Variants in STK32A observed in about 807,000 individuals in gnomAD.
STK32A encodes the protein serine/threonine-protein kinase 32A.
STK32A carries 41 observed loss-of-function variants against 53.2 expected under a neutral mutation model. That is an observed-to-expected ratio of 0.77 (90% CI 0.60 to 1.00). The LOEUF (loss-of-function observed/expected upper bound fraction) is 1.00, where lower values mean the gene tolerates loss of function less well. STK32A is among the 50% of genes least tolerant of loss of function. The pLI is 0.00. For synonymous variants in STK32A, 166 were observed against 162.8 expected (o/e 1.02, Z -0.15); for missense variants, 458 against 485.8 (o/e 0.94, Z 0.54).
chr5:147,397,826 A>C, the STK32A span: 1 of 1,612,216 alleles, frequency 6.2e-7, no homozygotes, highest in Non-Finnish European at 8.5e-7. Context: ...CATCCCTTCA[A>C]AGATGTTGTA....
At chr5:147,304,672 A>G (rs1753316187) in intron 4 of STK32A, among the ~76,000 whole-genome samples, 1 of 152,196 alleles carries the variant, frequency 6.6e-6, no homozygotes, top group Non-Finnish European at 1.5e-5. Flanking sequence ...GAAAGACAAC[A>G]GTCATGAAGC....
intron 4 of STK32A, among the ~76,000 whole-genome samples, chr5:147,298,692 T>C (rs1327809044): frequency 6.6e-6 from 1 of 152,222 alleles, no homozygotes; most frequent in African/African-American, 2.4e-5. Context: ...AGAGAAACTA[T>C]ATTCTTCTTG....
intron 2 of STK32A, among the ~76,000 whole-genome samples, chr5:147,247,316 T>C (rs1251422916): frequency 6.6e-6 from 1 of 152,224 alleles, no homozygotes; most frequent in Admixed American, 6.5e-5. Flanking sequence ...TGACCATTCA[T>C]GGAAGTTTCG....
At chr5:147,256,685 A>G (rs770752842) in intron 2 of STK32A, among the ~76,000 whole-genome samples, 6 of 151,756 alleles carry the variant, frequency 4.0e-5, no homozygotes, top group South Asian at 2.1e-4. Context: ...CTAAGTTTGT[A>G]TTTTTAGTAG....
chr5:147,252,985 A>T (rs1754063969), intron 2 of STK32A, among the ~76,000 whole-genome samples: 1 of 152,160 alleles, frequency 6.6e-6, no homozygotes, highest in African/African-American at 2.4e-5. Flanking sequence ...ATCTGGGATG[A>T]TATTCAATAT....
At chr5:147,289,155 C>CTT (rs1752482935) in intron 4 of STK32A, among the ~76,000 whole-genome samples, 1 of 137,668 alleles carries the variant, frequency 7.3e-6, no homozygotes, top group South Asian at 3.0e-4. Context: ...GCATATGTTG[C>CTT]TTGTTTTGTT....
At chr5:147,282,594 G>A (rs1752116184) in intron 4 of STK32A, among the ~76,000 whole-genome samples, 1 of 152,110 alleles carries the variant, frequency 6.6e-6, no homozygotes, top group Non-Finnish European at 1.5e-5. Context: ...AAGGTGTGGG[G>A]AAAGGAATTT....
At chr5:147,354,414 C>A (rs1056909427) in intron 7 of STK32A, among the ~76,000 whole-genome samples, 2 of 152,060 alleles carry the variant, frequency 1.3e-5, no homozygotes, top group Non-Finnish European at 2.9e-5. Flanking sequence ...TTTCCTCTCC[C>A]CAGTGGTTTT....
chr5:147,316,962 T>C (rs1440596268), intron 4 of STK32A, among the ~76,000 whole-genome samples: 1 of 150,632 alleles, frequency 6.6e-6, no homozygotes, highest in African/African-American at 2.4e-5. Flanking sequence ...TTTCTCTGTA[T>C]AAAAGTACTC....
intron 2 of STK32A, among the ~76,000 whole-genome samples, chr5:147,240,407 G>A (rs1753522219): frequency 6.6e-6 from 1 of 152,176 alleles, no homozygotes; most frequent in East Asian, 1.9e-4. Context: ...CCAGACCTCT[G>A]AGAGGGAGCT....
Position 147,278,315 on chromosome 5 carries a change from T to C in STK32A, c.108+136T>C, listed in dbSNP as rs935595072. The C allele has an allele frequency of 1.8e-5, 14 of 766,466 alleles. No homozygotes were observed. In the African/African-American group the frequency reaches 2.3e-4, roughly 13 times the overall value. The allele number at this position is 766,466 out of a possible 1,614,324, so 47.5% of individuals were successfully genotyped here. ...TAAGTGAAAATGTTTTTGTAATGGA[T>C]TTTTATAAAATTGTCACCACAGTTT... On this transcript the variant is annotated intron_variant, in intron 3 of 12. Coordinates refer to ENST00000397936, the MANE Select transcript of STK32A (RefSeq NM_001112724.2).
intron 2 of STK32A, among the ~76,000 whole-genome samples, chr5:147,276,942 A>C (rs1213487467): frequency 6.6e-6 from 1 of 152,190 alleles, no homozygotes; most frequent in Non-Finnish European, 1.5e-5. Context: ...TGTAATATAC[A>C]TGCTGCCTCA....
intron 5 of STK32A, among the ~76,000 whole-genome samples, chr5:147,326,208 T>C (rs1385568836): frequency 6.6e-6 from 1 of 152,226 alleles, no homozygotes; most frequent in Non-Finnish European, 1.5e-5. Context: ...GTTATCATCA[T>C]TTTGCCACTT....
intron 4 of STK32A, among the ~76,000 whole-genome samples, chr5:147,284,163 A>T (rs1820273): frequency 0.65 from 97,879 of 151,714 alleles, 31,891 homozygotes; most frequent in Admixed American, 0.75. Context: ...CAGAATTTTT[A>T]AAAAAATCAC....
rs150190220 is a variant in STK32A, at chr5:147,361,365, C to T, written c.563-152C>T. Among the ~76,000 whole-genome samples, 569 of 152,224 alleles carry T rather than the reference C, an allele frequency of 3.7e-3. 3 individuals are homozygous for T. The highest frequency in any genetic ancestry group is 0.013 in the African/African-American group (544 of 41,500). On this transcript the variant is annotated intron_variant, in intron 7 of 12. Transcript: ENST00000397936. ...GAGATTAGAAAATTAGAAATGTTTG[C>T]CTGCTGTGAGCAATCTAGCAACGGA...
chr5:147,266,205 AGGAGAGTT>A (rs1754800592), intron 2 of STK32A, among the ~76,000 whole-genome samples: 1 of 152,198 alleles, frequency 6.6e-6, no homozygotes, highest in Non-Finnish European at 1.5e-5. Context: ...GTCCTCACTT[AGGAGAGTT>A]GGCGGTTGTG....
intron 2 of STK32A, among the ~76,000 whole-genome samples, chr5:147,272,189 G>C (rs10477335): frequency 0.59 from 89,286 of 151,732 alleles, 26,621 homozygotes; most frequent in African/African-American, 0.67. Flanking sequence ...GGATTTTCCT[G>C]CCTCAGCCTC....
chr5:147,285,095 A>G (rs1752266165), intron 4 of STK32A, among the ~76,000 whole-genome samples: 1 of 152,166 alleles, frequency 6.6e-6, no homozygotes, highest in Admixed American at 6.6e-5. Flanking sequence ...GTACTGGTAC[A>G]AAAATAGGCA....
chr5:147,388,054 C>A (rs954964218), downstream of STK32A, among the ~76,000 whole-genome samples: 14 of 152,180 alleles, frequency 9.2e-5, no homozygotes, highest in African/African-American at 3.4e-4. Context: ...GCTTACTTGA[C>A]CCACATGTAT....
Sources: gnomAD v4.1 joint callset for allele counts (sites outside exome capture counted in the v4.1 genomes callset) on GRCh38, gnomAD v4.1.1 for gene constraint, MANE v1.5 for transcripts, NCBI Gene and HGNC (gene_info 2026-07-23, HGNC 2026-07-21) for gene names.